Variants in MYOM2 observed in about 807,000 individuals in gnomAD.
MYOM2 encodes the protein myomesin-2.
A neutral mutation model predicts 187.6 loss-of-function variants in MYOM2; 254 were observed. That is an observed-to-expected ratio of 1.35 (90% CI 1.22 to 1.50). MYOM2 has a LOEUF of 1.50. Ranked by LOEUF, MYOM2 falls within the 40% of genes most tolerant of loss-of-function variation. The pLI is 0.00. For synonymous variants in MYOM2, 981 were observed against 753.8 expected, an observed-to-expected ratio of 1.30 and a Z score of -4.94; for missense variants, 2,796 against 1,924.0, an observed-to-expected ratio of 1.45 and a Z score of -8.48.
chr8:2,099,269 G>A (rs1796603966), intron 19 of MYOM2, among the ~76,000 whole-genome samples: 2 of 152,230 alleles, frequency 1.3e-5, no homozygotes, highest in Admixed American at 6.5e-5. Context: ...TGTGGGGAGA[G>A]GGACAGCTTC....
chr8:2,092,614 G>T, intron 16 of MYOM2, 94 bp downstream of exon 16: 7 of 1,339,444 alleles, frequency 5.2e-6, no homozygotes, highest in Non-Finnish European at 7.1e-6. Flanking sequence ...TACCATGGCC[G>T]CAAGGCTTCT....
intron 32 of MYOM2, among the ~76,000 whole-genome samples, chr8:2,138,051 A>G (rs1798142596): frequency 6.6e-6 from 1 of 152,152 alleles, no homozygotes; most frequent in African/African-American, 2.4e-5. Flanking sequence ...TTCCTTTTAT[A>G]CACAGGGATG....
chr8:2,109,856 T>C (rs1437511607), intron 25 of MYOM2, among the ~76,000 whole-genome samples: 1 of 152,178 alleles, frequency 6.6e-6, no homozygotes, highest in African/African-American at 2.4e-5. Flanking sequence ...TTCTTGATAA[T>C]GGTTTTGAAG....
At chr8:2,111,673 C>T (rs1286576791) in intron 25 of MYOM2, among the ~76,000 whole-genome samples, 5 of 152,224 alleles carry the variant, frequency 3.3e-5, no homozygotes, top group South Asian at 2.1e-4. Flanking sequence ...CTCTCCTGCT[C>T]ATGGTACCTC....
At chr8:2,078,695 T>G (rs779852515) in intron 11 of MYOM2, 39 bp from the exon 12 acceptor site, 9 of 1,597,818 alleles carry the variant, frequency 5.6e-6, no homozygotes. Context: ...GGTTGCCACA[T>G]TTGCTATTCT....
At chr8:2,080,068 T>C (rs1232454875) in intron 13 of MYOM2, among the ~76,000 whole-genome samples, 1 of 152,274 alleles carries the variant, frequency 6.6e-6, no homozygotes, top group African/African-American at 2.4e-5. Context: ...TCTTGGTCCT[T>C]ATGTATATTT....
intron 23 of MYOM2, among the ~76,000 whole-genome samples, chr8:2,108,444 G>C (rs994357739): frequency 6.6e-6 from 1 of 152,098 alleles, no homozygotes; most frequent in Non-Finnish European, 1.5e-5. Context: ...TTTTAGGAAA[G>C]AGCTCACATT....
intron 31 of MYOM2, among the ~76,000 whole-genome samples, chr8:2,126,796 AGCACTGG>A (rs1358786403): frequency 2.5e-5 from 1 of 39,912 alleles, no homozygotes; most frequent in Non-Finnish European, 5.9e-5. Context: ...AGGCTGGGGG[AGCACTGG>A]GGGAGGCTGA....
At chr8:2,126,188 G>A (rs958057541) in intron 31 of MYOM2, among the ~76,000 whole-genome samples, 2 of 152,320 alleles carry the variant, frequency 1.3e-5, no homozygotes, top group Middle Eastern at 3.4e-3. Context: ...TGCAGCGGCT[G>A]AGGGGACATG....
intron 25 of MYOM2, among the ~76,000 whole-genome samples, chr8:2,112,028 G>A (rs1797083563): frequency 6.6e-6 from 1 of 152,132 alleles, no homozygotes. Context: ...TGTCAGATTC[G>A]ATGAAACAAA....
chr8:2,059,361 G>T, intron 6 of MYOM2, 116 bp downstream of exon 6: 1 of 801,910 alleles, frequency 1.2e-6, no homozygotes, highest in East Asian at 2.6e-5. Context: ...TTTGCACCCC[G>T]GGTGACTTTA....
intron 6 of MYOM2, among the ~76,000 whole-genome samples, chr8:2,063,023 C>G (rs755010065): frequency 1.3e-5 from 2 of 152,230 alleles, no homozygotes; most frequent in African/African-American, 4.8e-5. Context: ...TAGGTCTCCT[C>G]TGATGGACTT....
In MYOM2 at chr8:2,069,463, G is replaced by C; in HGVS notation, c.759G>C (p.Glu253Asp). ...GTCTTGCAGGGTTCCGGGGAGACGA[G>C]GAACCATTCCGTTCGGTGGGACTCC... is the stretch of plus-strand genomic sequence containing the variant. The part of the protein sequence containing the change: ...AVVVRRFRGD[E>D]EPFRSVGLPI... Residue 253 changes from glutamate (E) to aspartate (D), a missense_variant, in exon 8 of 37, where the codon GAG (glutamate) becomes GAC (aspartate). Coordinates refer to ENST00000262113, the MANE Select transcript of MYOM2 (RefSeq NM_003970.4). 6.2e-7 allele frequency: 1 copy of C among 1,614,192 alleles called. No homozygotes were observed. Among genetic ancestry groups the C allele is most frequent in the Non-Finnish European group, 8.5e-7 (1 of 1,180,024 alleles).
intron 16 of MYOM2, among the ~76,000 whole-genome samples, chr8:2,093,215 CA>C (rs1796369779): frequency 6.6e-6 from 1 of 152,146 alleles, no homozygotes; most frequent in Admixed American, 6.5e-5. Flanking sequence ...TGGTGGCTAA[CA>C]AGAAGAGATG....
rs564606899 is a variant in MYOM2, at chr8:2,069,698, C to G, written c.793+201C>G. Among the ~76,000 whole-genome samples the G allele has an allele frequency of 2.5e-3, 387 of 152,078 alleles. 3 individuals carry two copies. Among genetic ancestry groups the G allele is most frequent in the African/African-American group, 9.0e-3 (374 of 41,492 alleles). ...CCGGGTTCACACCTAAGGGTCAAAT[C>G]TTTTTTACAAAAATCATTTCAGAGA... is the stretch of plus-strand genomic sequence containing the variant. On this transcript the variant is annotated intron_variant, in intron 8 of 36. Transcript: ENST00000262113.
At chr8:2,128,813 T>C (rs765366006) in intron 31 of MYOM2, among the ~76,000 whole-genome samples, 1 of 152,224 alleles carries the variant, frequency 6.6e-6, no homozygotes, top group East Asian at 1.9e-4. Flanking sequence ...TGCCATGCAC[T>C]GTTGTTATTT....
chr8:2,096,985 G>A (rs143090977), intron 18 of MYOM2: 11 of 298,934 alleles, frequency 3.7e-5, no homozygotes, highest in Non-Finnish European at 5.5e-5. Context: ...CACCCCCTTG[G>A]CAGCCATTGC....
intron 36 of MYOM2, among the ~76,000 whole-genome samples, chr8:2,144,241 A>G (rs1282024309): frequency 6.6e-6 from 1 of 151,328 alleles, no homozygotes. Context: ...CCTCCAATTT[A>G]CCAGTTATAA....
At position 2,119,130 on chromosome 8, in the gene MYOM2, G is replaced by C. The variant is rs930431161; in HGVS notation, c.3453+1178G>C. 3 of 152,250 alleles carry C rather than the reference G, an allele frequency of 2.0e-5. No homozygotes were observed. In the South Asian group the frequency reaches 6.2e-4, roughly 32 times the overall value. 9.4% of individuals were successfully genotyped at this position (152,250 alleles called of 1,614,324 possible). ...GGTCAGTAAGGCATAACCGGCTCAC[G>C]ACAGGACATGTGAACCTGGCAGCAA... On this transcript the variant is annotated intron_variant, in intron 28 of 36. Transcript: ENST00000262113.
Sources: allele counts gnomAD v4.1 joint callset (sites outside exome capture counted in the v4.1 genomes callset), GRCh38; gene constraint gnomAD v4.1.1; transcripts MANE v1.5; gene names NCBI Gene and HGNC (gene_info 2026-07-23, HGNC 2026-07-21).